PHYHIPL: variants seen among roughly 807,000 people sequenced by gnomAD.
PHYHIPL encodes the protein phytanoyl-CoA hydroxylase-interacting protein-like.
Under a neutral mutation model 33.4 loss-of-function variants are expected in PHYHIPL, and 9 were observed. That is an observed-to-expected ratio of 0.27 (90% CI 0.16 to 0.47). The LOEUF is 0.47. PHYHIPL is among the 20% of genes least tolerant of loss of function. PHYHIPL has a pLI of 0.99. For missense variants in PHYHIPL, 365 were observed against 460.7 expected (o/e 0.79, Z 1.90); for synonymous variants, 153 against 154.1 (o/e 0.99, Z 0.05).
intron 4 of PHYHIPL, among the ~76,000 whole-genome samples, chr10:59,240,109 G>C (rs1057003730): frequency 2.0e-5 from 3 of 152,004 alleles, no homozygotes; most frequent in Non-Finnish European, 2.9e-5. Context: ...CCTGCCATTT[G>C]TTTGAATATC....
In PHYHIPL at chr10:59,245,492, C is replaced by T. The variant is rs758285455; in HGVS notation, c.1032C>T (p.Thr344=). The T allele has an allele frequency of 1.2e-5, 20 of 1,613,962 alleles. No individual in the cohort carries two copies. The highest frequency in any genetic ancestry group is 2.7e-5 in the African/African-American group (2 of 74,908). The stretch of plus-strand genomic sequence containing the variant: ...ACCCTGTGGATCTTTCTGTGGGCAC[C>T]GTGGCAGAAATCACTGGTCATCAGC... ...YTDPVDLSVG[T]VAEITGHQLM... is the part of the protein sequence containing the mutation. Residue 344 remains threonine, a synonymous_variant, in exon 5 of 5, where the codon ACC becomes ACT. Coordinates refer to ENST00000373880, the MANE Select transcript of PHYHIPL (RefSeq NM_032439.4).
intron 1 of PHYHIPL, among the ~76,000 whole-genome samples, chr10:59,211,664 TAAAAAAAAAAAAAAA>T (rs58992023): frequency 9.4e-5 from 7 of 74,100 alleles, no homozygotes; most frequent in East Asian, 1.1e-3. Context: ...GCGGACTCTC[TAAAAAAAAAAAAAAA>T]AAAAAAAAAA....
At chr10:59,194,682 G>A (rs1298729387) in intron 1 of PHYHIPL, among the ~76,000 whole-genome samples, 1 of 152,158 alleles carries the variant, frequency 6.6e-6, no homozygotes, top group Non-Finnish European at 1.5e-5. Flanking sequence ...TGACAAAAAG[G>A]CAAAATGGCA....
chr10:59,227,211 G>A (rs568897508), intron 1 of PHYHIPL, among the ~76,000 whole-genome samples: 45 of 152,260 alleles, frequency 3.0e-4, no homozygotes, highest in Middle Eastern at 3.4e-3. Flanking sequence ...TGTAGTTCAG[G>A]AAGCTGAGAA....
intron 1 of PHYHIPL, among the ~76,000 whole-genome samples, chr10:59,204,437 C>CT (rs1288243258): frequency 6.6e-6 from 1 of 152,012 alleles, no homozygotes; most frequent in Non-Finnish European, 1.5e-5. Context: ...TAACAGAACC[C>CT]TTTTTTGTGG....
At position 59,245,253 on chromosome 10, in the gene PHYHIPL, A is replaced by AACTT. The variant is rs1364966754; in HGVS notation, c.795_798dup (p.Tyr267LeufsTer29). The AACTT allele has an allele frequency of 1.2e-6, 2 of 1,614,048 alleles. No individual in the cohort carries two copies. Among genetic ancestry groups the AACTT allele is most frequent in the Non-Finnish European group, 1.7e-6 (2 of 1,179,940 alleles). On this transcript the variant is annotated frameshift_variant, in exon 5 of 5. Coordinates refer to ENST00000373880, the MANE Select transcript of PHYHIPL (RefSeq NM_032439.4). LOFTEE classifies it high-confidence loss of function. ...AGAAAAACTTTTTAACCCCAATACTAACTTATACTTTGGGGACTTCTACTG... is the reference window on the plus strand; with the variant it reads ...AGAAAAACTTTTTAACCCCAATACTAACTTACTTATACTTTGGGGACTTCTACTG...
chr10:59,209,394 C>T (rs567245300), intron 1 of PHYHIPL, among the ~76,000 whole-genome samples: 132 of 152,234 alleles, frequency 8.7e-4, no homozygotes, highest in African/African-American at 3.0e-3. Flanking sequence ...ATTTTGTCAC[C>T]ACTAGGCCTG....
chr10:59,236,556 C>A lies in PHYHIPL; in HGVS notation c.377C>A (p.Pro126Gln). 6.2e-7 allele frequency: 1 copy of A among 1,611,218 alleles called. No homozygotes were observed. Among genetic ancestry groups the A allele is most frequent in the Non-Finnish European group, 8.5e-7 (1 of 1,178,386 alleles). Reference protein sequence around the residue: ...MTVRGHWFLSPRTEYTVAVQT... With the variant: ...MTVRGHWFLSQRTEYTVAVQT... The stretch of plus-strand genomic sequence containing the variant: ...GTCCGTGGACACTGGTTTTTAAGCC[C>A]AAGAACTGAATATACAGTAGCAGTG... Residue 126 changes from proline to glutamine, a missense_variant, in exon 3 of 5, where the codon CCA (proline) becomes CAA (glutamine). Pro to Gln is a moderately conservative substitution (Grantham distance 76). Around this residue, in one of 4 missense-constraint regions of PHYHIPL, gnomAD observed 63 missense variants for 119.3 expected, o/e 0.53. Transcript: ENST00000373880.
At chr10:59,243,490 T>G (rs138815924) in intron 4 of PHYHIPL, among the ~76,000 whole-genome samples, 8 of 152,274 alleles carry the variant, frequency 5.3e-5, no homozygotes, top group African/African-American at 1.4e-4. Flanking sequence ...ATCCAGGATA[T>G]CACACATTTA....
At position 59,200,750 on chromosome 10, in the gene PHYHIPL, A is replaced by T. The variant is rs1184345949; in HGVS notation, c.106+23791A>T. On this transcript the variant is annotated intron_variant, in intron 1 of 4. Coordinates refer to ENST00000373880, the MANE Select transcript of PHYHIPL (RefSeq NM_032439.4). ...CAATTTCAGAGCCTGTTATTGGTCT[A>T]TTTAGCCATTCAACTTCTTCCTGGT... Among the ~76,000 whole-genome samples, 3 of 152,126 alleles carry T rather than the reference A, an allele frequency of 2.0e-5. No individual in the cohort carries two copies. In the East Asian group the frequency reaches 5.8e-4, roughly 29 times the overall value.
At chr10:59,183,293 T>A (rs965624321) in intron 1 of PHYHIPL, among the ~76,000 whole-genome samples, 2 of 152,218 alleles carry the variant, frequency 1.3e-5, no homozygotes, top group Non-Finnish European at 2.9e-5. Flanking sequence ...GATTGTTGAA[T>A]CTAAGGAGAC....
At chr10:59,231,305 A>G (rs1436717188) in intron 1 of PHYHIPL, among the ~76,000 whole-genome samples, 3 of 152,076 alleles carry the variant, frequency 2.0e-5, no homozygotes, top group African/African-American at 7.2e-5. Context: ...TCATTTTTAA[A>G]TTTGCCCCTC....
intron 1 of PHYHIPL, among the ~76,000 whole-genome samples, chr10:59,193,432 A>C (rs1037440301): frequency 5.3e-5 from 8 of 152,194 alleles, no homozygotes; most frequent in Non-Finnish European, 2.9e-5. Flanking sequence ...GAACTGGTGG[A>C]ACTCAAATTA....
chr10:59,244,924 C>A, intron 4 of PHYHIPL, 133 bp from the exon 5 acceptor site: 1 of 867,468 alleles, frequency 1.2e-6, no homozygotes, highest in East Asian at 2.7e-5. Context: ...AAGATGTTGT[C>A]CCCTTATTCT....
rs575773001 is a variant in PHYHIPL at position 59,236,416 on chromosome 10, C to T, written c.304-67C>T. 5 of 968,600 alleles carry T rather than the reference C, an allele frequency of 5.2e-6. No homozygotes were observed. In the East Asian group the frequency reaches 9.8e-5, roughly 19 times the overall value. 60.0% of individuals were successfully genotyped at this position (968,600 alleles called of 1,614,324 possible). ...TCCTCCCTTCTCCCTTTTCTTCTTT[C>T]TTCACTTCCTTCGTCCCTCTCTGTC... is the stretch of plus-strand genomic sequence containing the variant. On this transcript the variant is annotated intron_variant, in intron 2 of 4. Transcript: ENST00000373880.
At chr10:59,221,577 A>T (rs1839777674) in intron 1 of PHYHIPL, 1 of 531,350 alleles carries the variant, frequency 1.9e-6, no homozygotes, top group South Asian at 8.3e-5. Context: ...TATGGCTAAG[A>T]GAGATAAGTT....
chr10:59,233,994 A>G (rs752393588), intron 1 of PHYHIPL, among the ~76,000 whole-genome samples: 1 of 151,746 alleles, frequency 6.6e-6, no homozygotes, highest in Admixed American at 6.6e-5. Context: ...CATGTCTATG[A>G]AATTATCTGG....
chr10:59,234,798 G>A (rs899878161), intron 2 of PHYHIPL, among the ~76,000 whole-genome samples: 8 of 151,788 alleles, frequency 5.3e-5, no homozygotes, highest in Non-Finnish European at 7.4e-5. Flanking sequence ...CGAGGAAACC[G>A]ATGAGGTGTT....
chr10:59,244,886 A>C (rs1840593462), intron 4 of PHYHIPL, among the ~76,000 whole-genome samples, 171 bp from the exon 5 acceptor site: 1 of 152,214 alleles, frequency 6.6e-6, no homozygotes, highest in South Asian at 2.1e-4. Context: ...CAAAGCTAGA[A>C]TACAGCCATC....
Sources: gnomAD v4.1 joint callset for allele counts (sites outside exome capture counted in the v4.1 genomes callset) on GRCh38, gnomAD v4.1.1 for gene constraint, gnomAD v4.1.1 regional missense constraint, MANE v1.5 for transcripts, NCBI Gene and HGNC (gene_info 2026-07-23, HGNC 2026-07-21) for gene names.